Variants in C1orf185 observed in about 807,000 individuals in gnomAD.
C1orf185 encodes the protein uncharacterized protein C1orf185.
C1orf185 carries 13 observed loss-of-function variants against 16.1 expected under a neutral mutation model. The observed-to-expected ratio is 0.81, with a 90% CI of 0.53 to 1.28. The LOEUF is 1.28. C1orf185 is among the 50% of genes most tolerant of loss of function. The pLI, the probability that C1orf185 is intolerant of heterozygous loss-of-function variation, is 0.00. For synonymous variants in C1orf185, 80 were observed against 76.9 expected, an observed-to-expected ratio of 1.04 and a Z score of -0.21; for missense variants, 220 against 225.2, an observed-to-expected ratio of 0.98 and a Z score of 0.15.
chr1:51,108,400 C>A (rs1325317177), intron 1 of C1orf185, among the ~76,000 whole-genome samples: 1 of 151,774 alleles, frequency 6.6e-6, no homozygotes, highest in Non-Finnish European at 1.5e-5. Context: ...TTGGGCTATC[C>A]CTCACCTCAC....
intron 3 of C1orf185, among the ~76,000 whole-genome samples, chr1:51,122,492 A>T (rs889946816): frequency 4.6e-5 from 7 of 152,222 alleles, no homozygotes; most frequent in Non-Finnish European, 1.0e-4. Flanking sequence ...GAAAGTACAG[A>T]GTCCCACTAT....
intron 3 of C1orf185, among the ~76,000 whole-genome samples, chr1:51,145,282 G>A (rs1646391508): frequency 6.6e-6 from 1 of 151,126 alleles, no homozygotes; most frequent in African/African-American, 2.4e-5. Flanking sequence ...TCCAGACTGG[G>A]TGACAGAGCA....
intron 1 of C1orf185, among the ~76,000 whole-genome samples, chr1:51,108,012 A>T (rs959788677): frequency 6.6e-6 from 1 of 152,184 alleles, no homozygotes; most frequent in Non-Finnish European, 1.5e-5. Context: ...TTTGTCTAAG[A>T]CTTGAATTGC....
At chr1:51,131,272 T>C (rs542780408) in intron 3 of C1orf185, among the ~76,000 whole-genome samples, 10 of 152,364 alleles carry the variant, frequency 6.6e-5, no homozygotes, top group African/African-American at 2.4e-4. Flanking sequence ...TGTCTAATTG[T>C]TCCAGTATTA....
chr1:51,146,775 A>G (rs1316090828), intron 4 of C1orf185, among the ~76,000 whole-genome samples: 4 of 152,148 alleles, frequency 2.6e-5, no homozygotes, highest in Non-Finnish European at 4.4e-5. Flanking sequence ...TATTAAGAGT[A>G]TAAATAATAT....
rs1294178717 is a variant in C1orf185, at chr1:51,112,559, T to C, written c.112T>C (p.Cys38Arg). ...GGCATCAGCTTTGTGGTTCCTGATT[T>C]GCAAACGAAGGTAAGGATTATTCGA... ...ALASALWFLI[C>R]KRREIFQNSK... is the part of the protein sequence containing the mutation. The change falls in exon 2 of 5, where the codon TGC (cysteine) becomes CGC (arginine). Residue 38 changes from cysteine to arginine, a missense_variant. Transcript: ENST00000371759. The C allele has an allele frequency of 4.5e-6, 7 of 1,548,128 alleles. No homozygotes were observed. The East Asian group carries it at 1.7e-4, about 38-fold the overall frequency.
intron 3 of C1orf185, among the ~76,000 whole-genome samples, chr1:51,135,094 C>T (rs1232343277): frequency 6.6e-6 from 1 of 152,198 alleles, no homozygotes; most frequent in East Asian, 1.9e-4. Flanking sequence ...ATGCAACAAT[C>T]CTCAACAAAA....
intron 1 of C1orf185, among the ~76,000 whole-genome samples, chr1:51,106,924 A>AT (rs1646077129): frequency 6.6e-6 from 1 of 151,888 alleles, no homozygotes; most frequent in South Asian, 2.1e-4. Context: ...TGCTCAGCTA[A>AT]TTTTTTGTAT....
chr1:51,144,451 C>T (rs1646386159), intron 3 of C1orf185, among the ~76,000 whole-genome samples: 1 of 152,154 alleles, frequency 6.6e-6, no homozygotes, highest in South Asian at 2.1e-4. Flanking sequence ...TGGTTGGGTG[C>T]CTGTAATCCC....
chr1:51,113,359 A>G (rs934975430), intron 2 of C1orf185, among the ~76,000 whole-genome samples: 8 of 151,604 alleles, frequency 5.3e-5, no homozygotes, highest in African/African-American at 1.9e-4. Flanking sequence ...TGCTGTTTCT[A>G]ATTATTAATT....
At chr1:51,136,618 A>G (rs2148028261) in intron 3 of C1orf185, among the ~76,000 whole-genome samples, 1 of 152,326 alleles carries the variant, frequency 6.6e-6, no homozygotes, top group South Asian at 2.1e-4. Context: ...CAATGATCTG[A>G]TCTTTGGCAA....
chr1:51,125,414 T>C (rs1646232995), intron 3 of C1orf185, among the ~76,000 whole-genome samples: 1 of 151,998 alleles, frequency 6.6e-6, no homozygotes, highest in Admixed American at 6.6e-5. Context: ...AGCAGTAGGG[T>C]TTTTAGTTTT....
At chr1:51,130,853 A>G (rs1342437961) in intron 3 of C1orf185, among the ~76,000 whole-genome samples, 3 of 152,172 alleles carry the variant, frequency 2.0e-5, no homozygotes, top group African/African-American at 4.8e-5. Context: ...TATTTTGACT[A>G]TCATAGTTTT....
rs548357699 is a variant in C1orf185, at chr1:51,102,324, G to A, written c.16+75G>A. 4 of 701,312 alleles carry A rather than the reference G, an allele frequency of 5.7e-6. No homozygotes were observed. The South Asian group carries it at 6.2e-5, about 11-fold the overall frequency. 43.4% of individuals were successfully genotyped at this position (701,312 alleles called of 1,614,324 possible). On this transcript the variant is annotated intron_variant, in intron 1 of 4. Coordinates refer to ENST00000371759, the MANE Select transcript of C1orf185 (RefSeq NM_001136508.2). The stretch of plus-strand genomic sequence containing the variant: ...GAAAATATATTTAGACGAACAACCA[G>A]AAATCTATTTCTATTCTCTGGAAGA...
downstream of C1orf185, among the ~76,000 whole-genome samples, chr1:51,151,759 G>T (rs919206205): frequency 2.0e-5 from 3 of 152,100 alleles, no homozygotes; most frequent in East Asian, 5.8e-4. Flanking sequence ...CAATGGTCTT[G>T]GCTCACTGCA....
At chr1:51,138,253 T>C (rs1646340730) in intron 3 of C1orf185, among the ~76,000 whole-genome samples, 1 of 152,220 alleles carries the variant, frequency 6.6e-6, no homozygotes, top group African/African-American at 2.4e-5. Context: ...TATTTATGTT[T>C]GTACATTACT....
chr1:51,113,689 A>AATAC (rs547274694), intron 2 of C1orf185, among the ~76,000 whole-genome samples: 113 of 152,120 alleles, frequency 7.4e-4, no homozygotes, highest in African/African-American at 1.3e-3. Flanking sequence ...CCATCTCAAA[A>AATAC]ATACATACAT....
chr1:51,136,858 C>A (rs1186419827), intron 3 of C1orf185, among the ~76,000 whole-genome samples: 1 of 152,136 alleles, frequency 6.6e-6, no homozygotes, highest in Non-Finnish European at 1.5e-5. Context: ...GCAAAGATTT[C>A]ATGATGAAGA....
At chr1:51,125,076 C>T (rs921532228) in intron 3 of C1orf185, among the ~76,000 whole-genome samples, 1 of 152,096 alleles carries the variant, frequency 6.6e-6, no homozygotes, top group African/African-American at 2.4e-5. Flanking sequence ...AAGGGCCCAA[C>T]GGGAAGGTGT....
Sources: gnomAD v4.1 joint callset for allele counts (sites outside exome capture counted in the v4.1 genomes callset) on GRCh38, gnomAD v4.1.1 for gene constraint, MANE v1.5 for transcripts, NCBI Gene and HGNC (gene_info 2026-07-23, HGNC 2026-07-21) for gene names.